EXD1: variants seen among roughly 807,000 people sequenced by gnomAD.
EXD1 encodes the protein exonuclease 3'-5' domain containing 1, also known as piRNA biogenesis protein EXD1.
In EXD1, 63 loss-of-function variants were observed where a neutral mutation model predicts 49.1. The ratio of observed to expected loss-of-function variants is 1.28; its 90% CI spans 1.05 to 1.58. The LOEUF (loss-of-function observed/expected upper bound fraction) is 1.58, where lower values mean the gene tolerates loss of function less well. EXD1 is among the 40% of genes most tolerant of loss of function. The pLI is 0.00. For synonymous variants in EXD1, 234 were observed against 239.2 expected (o/e 0.98, Z 0.20); for missense variants, 748 against 666.0 (o/e 1.12, Z -1.36).
In EXD1 at chr15:41,215,775, C is replaced by A; in HGVS notation, c.447G>T (p.Ala149=). 1 of 1,613,648 alleles carries A rather than the reference C, an allele frequency of 6.2e-7. No individual in the cohort carries two copies. The highest frequency in any genetic ancestry group is 8.5e-7 in the Non-Finnish European group (1 of 1,179,698). The part of the protein sequence containing the change: ...INQFQQKFGA[A]ILHIKKQNVL... ...AGTAATGATTGAGGACAATACTTACCGCAGCACCAAACTTCTGCTGGAATT... is the reference window on the plus strand; with the variant it reads ...AGTAATGATTGAGGACAATACTTACAGCAGCACCAAACTTCTGCTGGAATT... Residue 149 remains alanine (A), a splice_region_variant and synonymous_variant, in exon 6 of 12, where the codon GCG becomes GCT. Transcript: ENST00000458580.
chr15:41,215,468 C>T (rs1490636360), intron 6 of EXD1, among the ~76,000 whole-genome samples: 1 of 151,990 alleles, frequency 6.6e-6, no homozygotes, highest in South Asian at 2.1e-4. Flanking sequence ...GGGTGGATCA[C>T]GAGGTCAGGA....
At chr15:41,205,844 A>G (rs922367166) in intron 7 of EXD1, among the ~76,000 whole-genome samples, 2 of 151,016 alleles carry the variant, frequency 1.3e-5, no homozygotes, top group African/African-American at 2.4e-5. Context: ...GAGAGTTATC[A>G]TTACAGTCGT....
At chr15:41,198,283 C>A (rs904036031) in intron 7 of EXD1, among the ~76,000 whole-genome samples, 4 of 152,148 alleles carry the variant, frequency 2.6e-5, no homozygotes, top group African/African-American at 9.7e-5. Context: ...AGGGCTGGGA[C>A]TTTCATCCCC....
intron 4 of EXD1, 42 bp downstream of exon 4, chr15:41,217,055 C>T (rs756005944): frequency 1.3e-6 from 2 of 1,568,154 alleles, no homozygotes; most frequent in South Asian, 2.2e-5. Context: ...CTAATGTGCA[C>T]ATTTGGAAAA....
intron 3 of EXD1, among the ~76,000 whole-genome samples, chr15:41,219,177 C>T (rs902784657): frequency 1.3e-5 from 2 of 152,186 alleles, no homozygotes; most frequent in African/African-American, 4.8e-5. Context: ...GCTACTCTTT[C>T]AGGCAAACAA....
chr15:41,184,524 C>A lies in EXD1; in HGVS notation c.1126G>T (p.Ala376Ser). 6.2e-7 allele frequency: 1 copy of A among 1,613,444 alleles called. No individual in the cohort carries two copies. Among genetic ancestry groups the A allele is most frequent in the Non-Finnish European group, 8.5e-7 (1 of 1,179,880 alleles). ...KDFQKQRREK[A>S]AREYRVNAQG... ...GCATTCACCCTATATTCTCTTGCAG[C>A]TTTCTCCCTGCGCTGCTTCTGGAAG... Residue 376 changes from alanine (A) to serine (S), a missense_variant, in exon 12 of 12, where the codon GCT (alanine) becomes TCT (serine). Physicochemically the swap from Ala to Ser is moderately conservative, Grantham distance 99. Transcript: ENST00000458580.
In EXD1 at chr15:41,182,806, A is replaced by G. The variant is rs2046343689; in HGVS notation, c.*1125T>C. The G allele has an allele frequency of 6.6e-6, 1 of 152,214 alleles. No homozygotes were observed. Among genetic ancestry groups the G allele is most frequent in the African/African-American group, 2.4e-5 (1 of 41,462 alleles). 9.4% of individuals were successfully genotyped at this position (152,214 alleles called of 1,614,324 possible). A position where few individuals can be genotyped will look rare whatever the true frequency, so the allele number is the denominator to read the frequency against. On this transcript the variant is annotated 3_prime_UTR_variant, in exon 12 of 12. Transcript: ENST00000458580. Reference sequence around the variant, plus strand: ...AATGTTAGCAATTTGCAAGCATTCAATACTTTAAAAGGCTCAATACAAGCT... The same window carrying G: ...AATGTTAGCAATTTGCAAGCATTCAGTACTTTAAAAGGCTCAATACAAGCT...
Position 41,183,670 on chromosome 15 carries a change from A to T in EXD1, c.*261T>A, listed in dbSNP as rs1287973542. On this transcript the variant is annotated 3_prime_UTR_variant, in exon 12 of 12. Transcript: ENST00000458580. ...CTTTCTTCAAATCCTCTAAACCCAA[A>T]TTATGAAAAATAATGCACTCTGGTC... is the stretch of plus-strand genomic sequence containing the variant. The T allele has an allele frequency of 3.1e-6, 1 of 327,386 alleles. No homozygotes were observed. The highest frequency in any genetic ancestry group is 5.5e-6 in the Non-Finnish European group (1 of 182,290). 20.3% of individuals were successfully genotyped at this position (327,386 alleles called of 1,614,324 possible).
Position 41,190,046 on chromosome 15 carries a change from G to A in EXD1, c.947C>T (p.Pro316Leu). 1 of 1,614,156 alleles carries A rather than the reference G, an allele frequency of 6.2e-7. No individual in the cohort carries two copies. The highest frequency in any genetic ancestry group is 8.5e-7 in the Non-Finnish European group (1 of 1,180,024). Reference protein sequence around the residue: ...ILALEATYLLPLRLALLDEMM... With the variant: ...ILALEATYLLLLRLALLDEMM... ...CTCATCTAGGAGTGCCAAGCGAAGGGGTAACAGGTAGGTAGCTTCCAGGGC... is the reference window on the plus strand; with the variant it reads ...CTCATCTAGGAGTGCCAAGCGAAGGAGTAACAGGTAGGTAGCTTCCAGGGC... The change falls in exon 11 of 12, where the codon CCC (proline) becomes CTC (leucine). Residue 316 changes from proline (P) to leucine (L), a missense_variant. Physicochemically the swap from Pro to Leu is moderately conservative, Grantham distance 98. Coordinates refer to ENST00000458580, the MANE Select transcript of EXD1 (RefSeq NM_001286441.2).
intron 6 of EXD1, among the ~76,000 whole-genome samples, chr15:41,214,743 G>A (rs1353965795): frequency 6.6e-6 from 1 of 151,318 alleles, no homozygotes; most frequent in Non-Finnish European, 1.5e-5. Context: ...CCACTTTTAA[G>A]TTCTTCACTT....
chr15:41,216,222 A>G (rs1423962841), intron 5 of EXD1, among the ~76,000 whole-genome samples: 2 of 151,932 alleles, frequency 1.3e-5, no homozygotes, highest in Non-Finnish European at 2.9e-5. Context: ...GGCTCAGCTT[A>G]GGATTCCATA....
Position 41,192,594 on chromosome 15 carries a change from A to ATTTTTTTTTTTTTTTTTTTTTTTTTT in EXD1, c.721-1035_721-1010dup, listed in dbSNP as rs59054803. Among the ~76,000 whole-genome samples, 5 of 40,838 alleles carry ATTTTTTTTTTTTTTTTTTTTTTTTTT rather than the reference A, an allele frequency of 1.2e-4. 2 individuals carry two copies. Among genetic ancestry groups the ATTTTTTTTTTTTTTTTTTTTTTTTTT allele is most frequent in the Non-Finnish European group, 2.2e-4 (4 of 18,058 alleles). The allele number at this position is 40,838 out of a possible 152,430, so 26.8% of individuals were successfully genotyped here. A position where few individuals can be genotyped will look rare whatever the true frequency, so the allele number is the denominator to read the frequency against. Reference sequence around the variant, plus strand: ...ACAGGCGTGAACCACTGCGCCAGGCATTTTTTTTTTTTTTTTTTTTTTTTT... The same window carrying ATTTTTTTTTTTTTTTTTTTTTTTTTT: ...ACAGGCGTGAACCACTGCGCCAGGCATTTTTTTTTTTTTTTTTTTTTTTTTTTTTTTTTTTTTTTTTTTTTTTTTTT... On this transcript the variant is annotated intron_variant, in intron 9 of 11. Coordinates refer to ENST00000458580, the MANE Select transcript of EXD1 (RefSeq NM_001286441.2).
At chr15:41,199,830 AAT>A (rs1407516434) in intron 7 of EXD1, among the ~76,000 whole-genome samples, 1 of 116,590 alleles carries the variant, frequency 8.6e-6, no homozygotes, top group Non-Finnish European at 1.8e-5. Context: ...GATATATGTC[AAT>A]ATATGATATA....
Position 41,191,539 on chromosome 15 carries a change from G to T in EXD1, c.767C>A (p.Pro256Gln). The change falls in exon 10 of 12, where the codon CCA (proline) becomes CAA (glutamine). Residue 256 changes from proline (P) to glutamine (Q), a missense_variant. Coordinates refer to ENST00000458580, the MANE Select transcript of EXD1 (RefSeq NM_001286441.2). The stretch of plus-strand genomic sequence containing the variant: ...CTCCTGCAAAGTAGTGATGCAGTTT[G>T]GAAGATAGCCACCCGTTTCCATGGA... ...QFSMETGGYL[P>Q]NCITTLQESL... is the part of the protein sequence containing the mutation. 6.2e-7 allele frequency: 1 copy of T among 1,614,044 alleles called. No homozygotes were observed. The highest frequency in any genetic ancestry group is 1.1e-5 in the South Asian group (1 of 91,068).
intron 11 of EXD1, among the ~76,000 whole-genome samples, chr15:41,184,877 C>T (rs74645065): frequency 2.0e-5 from 3 of 152,050 alleles, no homozygotes; most frequent in South Asian, 2.1e-4. Flanking sequence ...AAGATGGTCT[C>T]GATCTCCTGA....
chr15:41,210,393 C>T lies in EXD1; in HGVS notation c.448-806G>A, dbSNP rs76160627. The stretch of plus-strand genomic sequence containing the variant: ...TTAAAGCCTCGGATTCACTGAATTA[C>T]TCAAAACTGAAATAGTGGCTGGGCG... On this transcript the variant is annotated intron_variant, in intron 6 of 11. Coordinates refer to ENST00000458580, the MANE Select transcript of EXD1 (RefSeq NM_001286441.2). 5.5e-4 allele frequency among the ~76,000 whole-genome samples: 83 copies of T among 152,278 alleles called. 1 individual carries two copies. The East Asian group carries it at 0.016, about 29-fold the overall frequency.
intron 11 of EXD1, among the ~76,000 whole-genome samples, chr15:41,188,275 T>G (rs1345801512): frequency 1.3e-5 from 2 of 151,920 alleles, no homozygotes; most frequent in East Asian, 3.9e-4. Flanking sequence ...CGGGCTATAG[T>G]TTGCCAAATC....
chr15:41,191,190 T>C (rs994398607), intron 10 of EXD1, among the ~76,000 whole-genome samples: 1 of 152,110 alleles, frequency 6.6e-6, no homozygotes, highest in African/African-American at 2.4e-5. Flanking sequence ...CCTCCCAAAG[T>C]GTTGGGATTA....
At chr15:41,194,852 G>A (rs1252030434) in intron 9 of EXD1, among the ~76,000 whole-genome samples, 1 of 152,076 alleles carries the variant, frequency 6.6e-6, no homozygotes, top group Non-Finnish European at 1.5e-5. Flanking sequence ...TCTACAAATG[G>A]CAGCAAATAC....
Sources: gnomAD v4.1 joint callset for allele counts (sites outside exome capture counted in the v4.1 genomes callset) on GRCh38, gnomAD v4.1.1 for gene constraint, MANE v1.5 for transcripts, NCBI Gene and HGNC (gene_info 2026-07-23, HGNC 2026-07-21) for gene names.